ZNF518A: variants seen among roughly 807,000 people sequenced by gnomAD.
ZNF518A encodes zinc finger protein 518A.
ZNF518A carries 47 observed loss-of-function variants against 102.7 expected under a neutral mutation model. The ratio of observed to expected loss-of-function variants is 0.46; its 90% confidence interval spans 0.36 to 0.58. The LOEUF (loss-of-function observed/expected upper bound fraction) is 0.58, where lower values mean the gene tolerates loss of function less well. Among genes scored for constraint, ZNF518A ranks in the 20% least tolerant of loss-of-function variants. The pLI is 0.00. For synonymous variants in ZNF518A, 652 were observed against 594.6 expected, an observed-to-expected ratio of 1.10 and a Z score of -1.40; for missense variants, 1,793 against 1,699.8, an observed-to-expected ratio of 1.05 and a Z score of -0.96.
chr10:96,189,698 A>AAATC, intron 1 of ZNF518A: 1 of 655,362 alleles, frequency 1.5e-6, no homozygotes, highest in South Asian at 1.5e-5. Flanking sequence ...TCATCATCAA[A>AAATC]ATCATCATCA....
Position 96,159,098 on chromosome 10 carries a change from CA to C in ZNF518A, c.2785del (p.Thr929LeufsTer2), listed in dbSNP as rs781933025. 3.1e-6 allele frequency: 5 copies of C among 1,600,960 alleles called. No homozygotes were observed. The highest frequency in any genetic ancestry group is 3.5e-5 in the Admixed American group (2 of 57,352). On this transcript the variant is annotated frameshift_variant, in exon 6 of 6. Coordinates refer to ENST00000316045, the MANE Select transcript of ZNF518A (RefSeq NM_001330736.2). LOFTEE classifies it high-confidence loss of function. ...GCAGAGTCCACTTTTAAATTCAGAA[CA>C]AAAAAAAACTATAATTGTTCAGACT... Reference protein sequence around the residue: ...YMQSPLLNSEQKKTIIVQTSK... With the variant: ...YMQSPLLNSEXKKTIIVQTSK...
chr10:96,194,811 C>G (rs933866922), intron 1 of ZNF518A, among the ~76,000 whole-genome samples: 1 of 131,622 alleles, frequency 7.6e-6, no homozygotes, highest in African/African-American at 2.8e-5. Flanking sequence ...CGCTCTGTCG[C>G]CCAGGCTGGA....
chr10:96,199,806 C>A (rs2083580569), intron 1 of ZNF518A, among the ~76,000 whole-genome samples: 1 of 152,024 alleles, frequency 6.6e-6, no homozygotes, highest in Non-Finnish European at 1.5e-5. Flanking sequence ...GGCAGATCAA[C>A]TGAGGTCAGG....
chr10:96,193,859 A>G (rs2083390865), intron 1 of ZNF518A, among the ~76,000 whole-genome samples: 1 of 152,244 alleles, frequency 6.6e-6, no homozygotes, highest in Admixed American at 6.5e-5. Flanking sequence ...AAAACTCCAC[A>G]TGATTGACAT....
chr10:96,155,673 T>C (rs1356631603), intron 4 of ZNF518A: 3 of 152,206 alleles, frequency 2.0e-5, no homozygotes, highest in Non-Finnish European at 4.4e-5. Flanking sequence ...TTTGTTTTAA[T>C]TGTAGATTAT....
At chr10:96,148,251 A>G (rs1471565872) in intron 3 of ZNF518A, among the ~76,000 whole-genome samples, 1 of 152,060 alleles carries the variant, frequency 6.6e-6, no homozygotes, top group African/African-American at 2.4e-5. Flanking sequence ...AACCAGCCTG[A>G]CCAACACGGA....
At position 96,156,472 on chromosome 10, in the gene ZNF518A, T is replaced by C. The variant is rs927165530; in HGVS notation, c.150T>C (p.Ile50=). ...ATTATGCACTAAAAAATGTGAAAATTGATTTGCCAAAAATAAATATTCCAA... is the reference window on the plus strand; with the variant it reads ...ATTATGCACTAAAAAATGTGAAAATCGATTTGCCAAAAATAAATATTCCAA... ...SIHYALKNVK[I]DLPKINIPNE... The change falls in exon 6 of 6, where the codon ATT becomes ATC. Residue 50 remains isoleucine, a synonymous_variant. Transcript: ENST00000316045. 6.2e-7 allele frequency: 1 copy of C among 1,613,022 alleles called. No homozygotes were observed. The highest frequency in any genetic ancestry group is 8.5e-7 in the Non-Finnish European group (1 of 1,179,574).
intron 1 of ZNF518A, among the ~76,000 whole-genome samples, chr10:96,191,020 C>T (rs587635658): frequency 6.6e-6 from 1 of 152,078 alleles, no homozygotes; most frequent in African/African-American, 2.4e-5. Flanking sequence ...ATGGGAGGGA[C>T]CTGGTGGGAG....
chr10:96,140,217 A>G (rs926029424), intron 3 of ZNF518A, among the ~76,000 whole-genome samples: 2 of 152,134 alleles, frequency 1.3e-5, no homozygotes, highest in Non-Finnish European at 2.9e-5. Flanking sequence ...GTGGGGAGTA[A>G]GGGATGGAGG....
chr10:96,194,241 CT>C (rs1554894132), intron 1 of ZNF518A, among the ~76,000 whole-genome samples: 2 of 152,218 alleles, frequency 1.3e-5, no homozygotes, highest in Non-Finnish European at 2.9e-5. Flanking sequence ...AAAAGCTAGA[CT>C]GCTGGAGAAG....
At chr10:96,141,425 G>A (rs1319354111) in intron 3 of ZNF518A, among the ~76,000 whole-genome samples, 9 of 152,134 alleles carry the variant, frequency 5.9e-5, no homozygotes, top group Non-Finnish European at 5.9e-5. Context: ...TGCCATGCCT[G>A]GTGACCGAAA....
intron 1 of ZNF518A, among the ~76,000 whole-genome samples, chr10:96,187,878 C>T (rs1004593598): frequency 2.0e-5 from 3 of 152,248 alleles, no homozygotes; most frequent in African/African-American, 4.8e-5. Context: ...CAGAGTCTCA[C>T]TCTGTGGCCC....
rs2082906524 is a variant in ZNF518A at position 96,159,751 on chromosome 10, A to G, written c.3429A>G (p.Ile1143Met). The part of the protein sequence containing the change: ...PKKPEGTPQR[I>M]LLKIFNPVLN... ...AACCTGAAGGAACACCACAAAGAAT[A>G]TTGCTGAAAATTTTTAACCCTGTTT... The change falls in exon 6 of 6, where the codon ATA becomes ATG. Residue 1143 changes from isoleucine to methionine, a missense_variant. Physicochemically the swap from Ile to Met is conservative, Grantham distance 10 (BLOSUM62 1). Coordinates refer to ENST00000316045, the MANE Select transcript of ZNF518A (RefSeq NM_001330736.2). 1 of 1,613,214 alleles carries G rather than the reference A, an allele frequency of 6.2e-7. No individual in the cohort carries two copies. The highest frequency in any genetic ancestry group is 1.3e-5 in the African/African-American group (1 of 74,896).
At chr10:96,197,524 A>G (rs1554894987) in intron 1 of ZNF518A, among the ~76,000 whole-genome samples, 1 of 152,220 alleles carries the variant, frequency 6.6e-6, no homozygotes, top group East Asian at 1.9e-4. Flanking sequence ...AAATTTAGAA[A>G]TATGTGAAGG....
At chr10:96,204,766 T>G, downstream of ZNF518A, 88 of 650,530 alleles carry the variant, frequency 1.4e-4, no homozygotes, top group East Asian at 2.3e-4. Flanking sequence ...ATCTGTGCAC[T>G]TGCCAGTCTG....
intron 3 of ZNF518A, among the ~76,000 whole-genome samples, chr10:96,145,590 T>G (rs1165167396): frequency 6.6e-6 from 1 of 152,244 alleles, no homozygotes; most frequent in Non-Finnish European, 1.5e-5. Flanking sequence ...ACGCTTGTGT[T>G]AAAGTGTTCT....
intron 1 of ZNF518A, among the ~76,000 whole-genome samples, chr10:96,185,726 C>A (rs1196605888): frequency 1.3e-5 from 2 of 152,146 alleles, no homozygotes; most frequent in Non-Finnish European, 2.9e-5. Flanking sequence ...GTCAGTCGGC[C>A]CCTACTGGGA....
chr10:96,204,563 C>T (rs782538776), downstream of ZNF518A: 1 of 1,614,072 alleles, frequency 6.2e-7, no homozygotes, highest in Admixed American at 1.7e-5. Context: ...GGTGACTGCA[C>T]AGCTTCTTGT....
downstream of ZNF518A, among the ~76,000 whole-genome samples, chr10:96,167,009 C>G (rs2083145440): frequency 6.6e-6 from 1 of 152,132 alleles, no homozygotes; most frequent in Non-Finnish European, 1.5e-5. Context: ...GATCAGTATG[C>G]AGAGATCTGT....
Sources: gnomAD v4.1 joint callset for allele counts (sites outside exome capture counted in the v4.1 genomes callset) on GRCh38, gnomAD v4.1.1 for gene constraint, MANE v1.5 for transcripts, NCBI Gene and HGNC (gene_info 2026-07-23, HGNC 2026-07-21) for gene names.